MGAT5: variants seen among roughly 807,000 people sequenced by gnomAD.
MGAT5 encodes the protein alpha-1,6-mannosylglycoprotein 6-beta-N-acetylglucosaminyltransferase.
A neutral mutation model predicts 94.3 loss-of-function variants in MGAT5; 30 were observed. That is an observed-to-expected ratio of 0.32 (90% CI 0.24 to 0.43). MGAT5 has a LOEUF of 0.43. Ranked by LOEUF, MGAT5 falls within the 20% of genes least tolerant of loss-of-function variation. The pLI, the probability that MGAT5 is intolerant of heterozygous loss-of-function variation, is 1.00. For synonymous variants in MGAT5, 310 were observed against 322.9 expected, an observed-to-expected ratio of 0.96 and a Z score of 0.43; for missense variants, 691 against 905.5, an observed-to-expected ratio of 0.76 and a Z score of 3.04.
At chr2:134,120,405 G>A (rs1488235006) in intron 1 of MGAT5, 5 of 346,792 alleles carry the variant, frequency 1.4e-5, no homozygotes, top group Admixed American at 4.8e-5. Context: ...GGCGAGGAGA[G>A]CCCGCACCGG....
At chr2:134,242,869 C>G (rs1227348606) in intron 1 of MGAT5, among the ~76,000 whole-genome samples, 1 of 152,152 alleles carries the variant, frequency 6.6e-6, no homozygotes, top group African/African-American at 2.4e-5. Context: ...ACAAGTCCTT[C>G]CATAGTGTGG....
chr2:134,180,013 C>T (rs955498951), intron 1 of MGAT5, among the ~76,000 whole-genome samples: 1 of 152,204 alleles, frequency 6.6e-6, no homozygotes, highest in African/African-American at 2.4e-5. Flanking sequence ...AGACTCCCAG[C>T]AGCACCGTGA....
intron 10 of MGAT5, 98 bp from the exon 11 acceptor site, chr2:134,402,886 CTCTG>C (rs1683133115): frequency 2.5e-6 from 3 of 1,183,750 alleles, no homozygotes; most frequent in Non-Finnish European, 3.4e-6. Flanking sequence ...ATTAAGAACT[CTCTG>C]TCTGTGGCCT....
intron 1 of MGAT5, among the ~76,000 whole-genome samples, chr2:134,134,701 G>C (rs897677690): frequency 6.6e-6 from 1 of 152,114 alleles, no homozygotes; most frequent in Non-Finnish European, 1.5e-5. Context: ...GCAATTTGGG[G>C]GGGCAATTTT....
chr2:134,413,103 CA>C (rs768537221), intron 12 of MGAT5, 88 bp downstream of exon 12: 20 of 1,449,122 alleles, frequency 1.4e-5, no homozygotes, highest in African/African-American at 2.8e-5. Context: ...CTTCATCTAA[CA>C]TGATTGGGTG....
intron 10 of MGAT5, among the ~76,000 whole-genome samples, chr2:134,381,356 T>TAGATAGATAGATAGATAAGATA (rs1681537989): frequency 1.2e-5 from 1 of 81,488 alleles, no homozygotes; most frequent in Admixed American, 1.3e-4. Flanking sequence ...GATAGATAGA[T>TAGATAGATAGATAGATAAGATA]AGATAGATAG....
chr2:134,339,979 G>A (rs908922854), intron 6 of MGAT5, among the ~76,000 whole-genome samples: 3 of 152,126 alleles, frequency 2.0e-5, no homozygotes, highest in Non-Finnish European at 2.9e-5. Context: ...TGTGAACATT[G>A]GAGTAAAGCA....
At chr2:134,266,386 A>AT (rs1683717204) in intron 1 of MGAT5, among the ~76,000 whole-genome samples, 1 of 151,818 alleles carries the variant, frequency 6.6e-6, no homozygotes, top group African/African-American at 2.4e-5. Flanking sequence ...ATGCCCAGCT[A>AT]TTTTTTGTAT....
intron 1 of MGAT5, 56 bp downstream of exon 1, chr2:134,254,700 C>T: frequency 2.5e-6 from 4 of 1,594,710 alleles, no homozygotes; most frequent in South Asian, 1.1e-5. Context: ...TTGAAATGGC[C>T]CTAGAAGCTC....
intron 1 of MGAT5, among the ~76,000 whole-genome samples, chr2:134,182,873 G>A (rs1348412451): frequency 1.5e-5 from 2 of 132,310 alleles, no homozygotes; most frequent in African/African-American, 2.8e-5. Flanking sequence ...TGCAAGCTCC[G>A]CCTCCAGGGT....
At chr2:134,277,430 G>A (rs1684446671) in intron 2 of MGAT5, among the ~76,000 whole-genome samples, 3 of 152,086 alleles carry the variant, frequency 2.0e-5, no homozygotes, top group Admixed American at 6.5e-5. Flanking sequence ...CTTACATGGC[G>A]ACAGGAGAGA....
intron 7 of MGAT5, among the ~76,000 whole-genome samples, chr2:134,343,467 G>A (rs1222226454): frequency 6.6e-6 from 1 of 152,184 alleles, no homozygotes; most frequent in African/African-American, 2.4e-5. Flanking sequence ...AGGGCTAGAT[G>A]TGTTTTGTTT....
Position 134,447,481 on chromosome 2 carries a change from A to G in MGAT5, c.2028-1168A>G, listed in dbSNP as rs115430077. Among the ~76,000 whole-genome samples, 1,192 of 152,306 alleles carry G rather than the reference A, an allele frequency of 7.8e-3. 9 individuals carry two copies. The highest frequency in any genetic ancestry group is 0.014 in the Non-Finnish European group (943 of 68,020). On this transcript the variant is annotated intron_variant, in intron 15 of 15. Transcript: ENST00000281923. Reference sequence around the variant, plus strand: ...GTAAAGAATCATTTATCCCCATTCTATGGAAGGGAATCTGAGCCACAGAGT... The same window carrying G: ...GTAAAGAATCATTTATCCCCATTCTGTGGAAGGGAATCTGAGCCACAGAGT...
chr2:134,438,459 T>C (rs1354169449), intron 14 of MGAT5, among the ~76,000 whole-genome samples: 3 of 152,234 alleles, frequency 2.0e-5, no homozygotes, highest in Admixed American at 6.5e-5. Flanking sequence ...AGTAACTCCA[T>C]TGATCACTGT....
intron 10 of MGAT5, among the ~76,000 whole-genome samples, chr2:134,366,520 G>T (rs1222037496): frequency 2.0e-5 from 3 of 152,194 alleles, no homozygotes; most frequent in African/African-American, 7.2e-5. Flanking sequence ...AGTTGCCTCT[G>T]AATCACACAT....
intron 2 of MGAT5, among the ~76,000 whole-genome samples, chr2:134,305,354 C>A (rs1049637809): frequency 6.6e-6 from 1 of 152,146 alleles, no homozygotes; most frequent in African/African-American, 2.4e-5. Context: ...CTGTTTCTAA[C>A]CAACAGCTAT....
chr2:134,281,039 A>C (rs1021275692), intron 2 of MGAT5, among the ~76,000 whole-genome samples: 2 of 152,216 alleles, frequency 1.3e-5, no homozygotes, highest in African/African-American at 2.4e-5. Context: ...TTGGCATCAG[A>C]CATTTTTGAG....
intron 1 of MGAT5, among the ~76,000 whole-genome samples, chr2:134,208,899 C>A (rs1175409811): frequency 6.6e-6 from 1 of 152,148 alleles, no homozygotes; most frequent in Non-Finnish European, 1.5e-5. Context: ...AAATAAATAA[C>A]CGAGAGAATC....
chr2:134,237,572 G>T (rs2105427443), intron 1 of MGAT5, among the ~76,000 whole-genome samples: 1 of 151,824 alleles, frequency 6.6e-6, no homozygotes, highest in East Asian at 1.9e-4. Context: ...ATGAAATGGG[G>T]CAGAAAGCCT....
Sources: gnomAD v4.1 joint callset for allele counts (sites outside exome capture counted in the v4.1 genomes callset) on GRCh38, gnomAD v4.1.1 for gene constraint, MANE v1.5 for transcripts, NCBI Gene and HGNC (gene_info 2026-07-23, HGNC 2026-07-21) for gene names.